Variants in CR1 observed in about 807,000 individuals in gnomAD.
CR1 encodes the protein complement receptor type 1.
In CR1, 116 loss-of-function variants were observed where a neutral mutation model predicts 187.3. The observed-to-expected ratio is 0.62, with a 90% CI of 0.53 to 0.72. The LOEUF (loss-of-function observed/expected upper bound fraction) is 0.72, where lower values mean the gene tolerates loss of function less well. Among genes scored for constraint, CR1 ranks in the 30% least tolerant of loss-of-function variants. The pLI, the probability that CR1 is intolerant of heterozygous loss-of-function variation, is 0.00. For synonymous variants in CR1, 576 were observed against 747.1 expected (o/e 0.77, Z 3.73); for missense variants, 1,731 against 2,110.7 (o/e 0.82, Z 3.52).
Position 207,616,729 on chromosome 1 carries a change from C to T in CR1, c.6816C>T (p.Arg2272=), listed in dbSNP as rs1421819305. ...TFNLIGESSI[R]CTSDPQGNGV... Reference sequence around the variant, plus strand: ...ACCTCATTGGGGAGAGCTCCATCCGCTGCACAAGTGACCCTCAAGGGAATG... The same window carrying T: ...ACCTCATTGGGGAGAGCTCCATCCGTTGCACAAGTGACCCTCAAGGGAATG... Residue 2272 remains arginine (R), a synonymous_variant, in exon 41 of 47, where the codon CGC becomes CGT. Coordinates refer to ENST00000367049, the MANE Select transcript of CR1 (RefSeq NM_000651.6). 6.2e-7 allele frequency: 1 copy of T among 1,613,970 alleles called. No homozygotes were observed. The highest frequency in any genetic ancestry group is 2.2e-5 in the East Asian group (1 of 44,880).
At chr1:207,620,279 T>G (rs1411887581) in intron 43 of CR1, among the ~76,000 whole-genome samples, 1 of 152,224 alleles carries the variant, frequency 6.6e-6, no homozygotes, top group African/African-American at 2.4e-5. Context: ...GCACCTTTTT[T>G]GTCTATATCA....
At chr1:207,636,603 A>AT (rs35421886) in intron 46 of CR1, among the ~76,000 whole-genome samples, 2 of 152,124 alleles carry the variant, frequency 1.3e-5, no homozygotes, top group Non-Finnish European at 2.9e-5. Context: ...ATCTTGTAGA[A>AT]TTTTTTTGCC....
intron 4 of CR1, among the ~76,000 whole-genome samples, chr1:207,523,183 G>A (rs1571518699): frequency 2.0e-5 from 3 of 151,912 alleles, no homozygotes. Context: ...TTTTCCTACT[G>A]TGTATATTTG....
intron 2 of CR1, among the ~76,000 whole-genome samples, 183 bp from the exon 3 acceptor site, chr1:207,506,531 T>C (rs527895277): frequency 2.4e-4 from 36 of 152,146 alleles, no homozygotes; most frequent in African/African-American, 7.5e-4. Flanking sequence ...GAAAGGAAAG[T>C]TTTTTTTGAA....
At chr1:207,616,149 G>C (rs1662087775) in intron 40 of CR1, among the ~76,000 whole-genome samples, 1 of 152,154 alleles carries the variant, frequency 6.6e-6, no homozygotes, top group Admixed American at 6.5e-5. Context: ...CATTGCTAAA[G>C]ATGATAGCTC....
In CR1 at chr1:207,639,914, T is replaced by C. The variant is rs57994498; in HGVS notation, c.*505T>C. The stretch of plus-strand genomic sequence containing the variant: ...ATCTTCTTTCACATATGTGTTTTTT[T>C]ACATACGTACTTTTCCCCCTTAGTT... On this transcript the variant is annotated 3_prime_UTR_variant, in exon 47 of 47. Coordinates refer to ENST00000367049, the MANE Select transcript of CR1 (RefSeq NM_000651.6). 0.011 allele frequency: 1,722 copies of C among 152,990 alleles called. 27 individuals are homozygous for C. Among genetic ancestry groups the C allele is most frequent in the African/African-American group, 0.037 (1,536 of 41,576 alleles). The allele number at this position is 152,990 out of a possible 1,614,324, so 9.5% of individuals were successfully genotyped here.
chr1:207,512,643 A>T (rs189801840), intron 4 of CR1, among the ~76,000 whole-genome samples: 1 of 152,230 alleles, frequency 6.6e-6, no homozygotes, highest in Non-Finnish European at 1.5e-5. Flanking sequence ...CTAAGTTTAC[A>T]AATGACATTG....
chr1:207,593,311 A>C (rs1217118196), intron 35 of CR1, among the ~76,000 whole-genome samples: 1 of 152,196 alleles, frequency 6.6e-6, no homozygotes, highest in East Asian at 1.9e-4. Flanking sequence ...CCACACATCT[A>C]CAACCATCTG....
chr1:207,624,763 T>C (rs939014084), intron 45 of CR1, among the ~76,000 whole-genome samples: 4 of 152,138 alleles, frequency 2.6e-5, no homozygotes, highest in African/African-American at 9.7e-5. Context: ...AGTACTTGTG[T>C]CAATACATTT....
Position 207,629,374 on chromosome 1 carries a change from A to G in CR1, c.7353-1143A>G, listed in dbSNP as rs115941223. 7.8e-3 allele frequency among the ~76,000 whole-genome samples: 1,194 copies of G among 152,174 alleles called. 21 individuals carry two copies. Among genetic ancestry groups the G allele is most frequent in the African/African-American group, 0.027 (1,129 of 41,502 alleles). ...TATACTCACCGAGATCATATTCTCCAAAACCCCATGTACCACTCATCACCC... is the reference window on the plus strand; with the variant it reads ...TATACTCACCGAGATCATATTCTCCGAAACCCCATGTACCACTCATCACCC... On this transcript the variant is annotated intron_variant, in intron 45 of 46. Coordinates refer to ENST00000367049, the MANE Select transcript of CR1 (RefSeq NM_000651.6).
chr1:207,572,753 G>A (rs1313292140), intron 27 of CR1, among the ~76,000 whole-genome samples: 2 of 149,092 alleles, frequency 1.3e-5, no homozygotes, highest in Non-Finnish European at 3.0e-5. Context: ...GGTTTTGGGA[G>A]GGCCACGCTC....
chr1:207,509,198 G>A (rs995555104), intron 3 of CR1, among the ~76,000 whole-genome samples: 1 of 152,066 alleles, frequency 6.6e-6, no homozygotes, highest in African/African-American at 2.4e-5. Context: ...GTCCCTCTTC[G>A]GGGCCCTGGG....
intron 46 of CR1, among the ~76,000 whole-genome samples, chr1:207,637,372 C>G (rs1423267791): frequency 6.6e-6 from 1 of 152,242 alleles, no homozygotes; most frequent in Non-Finnish European, 1.5e-5. Flanking sequence ...TATCACCGCA[C>G]TATTGGCCAC....
rs2102325524 is a variant in CR1, at chr1:207,496,206, C to T, written c.-62C>T. On this transcript the variant is annotated 5_prime_UTR_variant, in exon 1 of 47. Transcript: ENST00000367049. ...ATTGGTCACTCCTATTTTCGCTGAG[C>T]TTTTCCTCTTATTTCAGTTTTCTTC... is the stretch of plus-strand genomic sequence containing the variant. 4 of 1,612,698 alleles carry T rather than the reference C, an allele frequency of 2.5e-6. No individual in the cohort carries two copies. In the East Asian group the frequency reaches 8.9e-5, roughly 36 times the overall value.
intron 4 of CR1, among the ~76,000 whole-genome samples, chr1:207,515,050 T>C (rs1379335815): frequency 1.4e-5 from 2 of 147,822 alleles, no homozygotes; most frequent in Non-Finnish European, 3.0e-5. Context: ...TACTTATATG[T>C]ATATATGTAT....
intron 28 of CR1, among the ~76,000 whole-genome samples, chr1:207,576,429 A>G (rs1316785150): frequency 6.6e-6 from 1 of 152,308 alleles, no homozygotes; most frequent in East Asian, 1.9e-4. Context: ...TTACTTCTGA[A>G]TCTGTAAGTA....
chr1:207,636,131 T>A (rs759683242), intron 46 of CR1, among the ~76,000 whole-genome samples: 1 of 152,012 alleles, frequency 6.6e-6, no homozygotes, highest in Non-Finnish European at 1.5e-5. Context: ...CGATGGTTGC[T>A]GTCTCTTTGG....
chr1:207,592,261 T>A (rs2102360169), intron 35 of CR1, among the ~76,000 whole-genome samples: 1 of 152,320 alleles, frequency 6.6e-6, no homozygotes, highest in African/African-American at 2.4e-5. Flanking sequence ...CAAGCTGGCT[T>A]CATCCCTGAG....
intron 23 of CR1, among the ~76,000 whole-genome samples, chr1:207,564,834 T>C (rs1014128651): frequency 1.3e-5 from 2 of 150,014 alleles, no homozygotes; most frequent in Non-Finnish European, 2.9e-5. Flanking sequence ...CAAAAGGGAA[T>C]ATGAGTAATT....
Sources: gnomAD v4.1 joint callset for allele counts (sites outside exome capture counted in the v4.1 genomes callset) on GRCh38, gnomAD v4.1.1 for gene constraint, MANE v1.5 for transcripts, NCBI Gene and HGNC (gene_info 2026-07-23, HGNC 2026-07-21) for gene names.